Variants in N4BP3 observed in about 807,000 individuals in gnomAD.
N4BP3 encodes the protein NEDD4 binding protein 3.
Under a neutral mutation model 43.8 loss-of-function variants are expected in N4BP3, and 33 were observed. The observed-to-expected ratio is 0.75, with a 90% CI of 0.57 to 1.01. N4BP3 has a LOEUF of 1.01. N4BP3 is among the 50% of genes least tolerant of loss of function. The pLI, the probability that N4BP3 is intolerant of heterozygous loss-of-function variation, is 0.00. For missense variants in N4BP3, 756 were observed against 744.2 expected (o/e 1.02, Z -0.18); for synonymous variants, 326 against 321.9 (o/e 1.01, Z -0.14).
rs371807973 is a variant in N4BP3 at position 178,120,399 on chromosome 5, C to G, written c.552C>G (p.Pro184=). 4.3e-6 allele frequency: 7 copies of G among 1,612,860 alleles called. No homozygotes were observed. Among genetic ancestry groups the G allele is most frequent in the Admixed American group, 1.7e-5 (1 of 60,020 alleles). The change falls in exon 3 of 5, where the codon CCC becomes CCG. Residue 184 remains proline, a synonymous_variant. Coordinates refer to ENST00000274605, the MANE Select transcript of N4BP3 (RefSeq NM_015111.2). ...ALSLDEGGPE[P]EPSLSDSSSG... is the part of the protein sequence containing the mutation. ...GCCTAGATGAGGGCGGCCCTGAGCCCGAGCCCAGCCTGTCCGACTCCTCCA... is the reference window on the plus strand; with the variant it reads ...GCCTAGATGAGGGCGGCCCTGAGCCGGAGCCCAGCCTGTCCGACTCCTCCA...
chr5:178,126,647 A>G (rs1315591330), downstream of N4BP3, among the ~76,000 whole-genome samples: 1 of 152,164 alleles, frequency 6.6e-6, no homozygotes, highest in Non-Finnish European at 1.5e-5. Flanking sequence ...CCTGAAGCGC[A>G]GGGAGGGGCC....
chr5:178,121,476 G>T lies in N4BP3; in HGVS notation c.1110G>T (p.Val370=). 6.2e-7 allele frequency: 1 copy of T among 1,613,894 alleles called. No individual in the cohort carries two copies. Among genetic ancestry groups the T allele is most frequent in the Non-Finnish European group, 8.5e-7 (1 of 1,179,986 alleles). Residue 370 remains valine (V), a splice_region_variant and synonymous_variant, in exon 5 of 5, where the codon GTG becomes GTT. Coordinates refer to ENST00000274605, the MANE Select transcript of N4BP3 (RefSeq NM_015111.2). Reference sequence around the variant, plus strand: ...CTTGCGTCCTCCCCATCCCCCAGGTGTGCCAGAAGACAGCAGAGATTAGCC... The same window carrying T: ...CTTGCGTCCTCCCCATCCCCCAGGTTTGCCAGAAGACAGCAGAGATTAGCC... The part of the protein sequence containing the change: ...ARPEEEARWE[V]CQKTAEISLL...
At chr5:178,114,651 C>G (rs1364666385) in intron 1 of N4BP3, among the ~76,000 whole-genome samples, 1 of 152,228 alleles carries the variant, frequency 6.6e-6, no homozygotes, top group African/African-American at 2.4e-5. Flanking sequence ...GGTTATCAGC[C>G]TCCTCCCAGG....
Position 178,118,867 on chromosome 5 carries a change from CTTTTTTTTT to C in N4BP3, c.-30-679_-30-671del, listed in dbSNP as rs1163342087. On this transcript the variant is annotated intron_variant, in intron 1 of 4. Coordinates refer to ENST00000274605, the MANE Select transcript of N4BP3 (RefSeq NM_015111.2). This position sits in a 1 kb window ranked among gnomAD's most constrained non-coding sequence, Gnocchi z 5.4. ...GTCAGGTTCAGCCAGGCTGAGTTTTCTTTTTTTTTTTTTTTTGAGATGGAGTCTCCCTCT... is the reference window on the plus strand; with the variant it reads ...GTCAGGTTCAGCCAGGCTGAGTTTTCTTTTTTTGAGATGGAGTCTCCCTCT... Among the ~76,000 whole-genome samples, 1 of 137,614 alleles carries C rather than the reference CTTTTTTTTT, an allele frequency of 7.3e-6. No individual in the cohort carries two copies. The highest frequency in any genetic ancestry group is 2.3e-4 in the South Asian group (1 of 4,258). 90.3% of individuals were successfully genotyped at this position (137,614 alleles called of 152,430 possible).
chr5:178,116,250 G>T (rs925013763), intron 1 of N4BP3, among the ~76,000 whole-genome samples: 27 of 152,152 alleles, frequency 1.8e-4, no homozygotes, highest in African/African-American at 6.5e-4. Context: ...CAGGAAGGAA[G>T]GAATGTATGT....
chr5:178,119,052 G>C (rs1694678878), intron 1 of N4BP3, among the ~76,000 whole-genome samples: 2 of 152,130 alleles, frequency 1.3e-5, no homozygotes, highest in African/African-American at 4.8e-5. Context: ...TTTTAGTAGA[G>C]ATGGGGTTTC....
In N4BP3 at chr5:178,120,619, A is replaced by G. The variant is rs551476661; in HGVS notation, c.772A>G (p.Met258Val). ...GTTCTCCTGCTCCTCTGCCGAGGAA[A>G]TGGGAGCCGTGCTGCCCGAGACCTG... ...YEFSCSSAEE[M>V]GAVLPETCEE... The change falls in exon 3 of 5, where the codon ATG becomes GTG. Residue 258 changes from methionine to valine, a missense_variant. Coordinates refer to ENST00000274605, the MANE Select transcript of N4BP3 (RefSeq NM_015111.2). The G allele has an allele frequency of 6.2e-6, 10 of 1,610,646 alleles. No homozygotes were observed. Among genetic ancestry groups the G allele is most frequent in the Non-Finnish European group, 8.5e-6 (10 of 1,179,944 alleles).
At chr5:178,120,110 C>T in intron 2 of N4BP3, 68 bp from the exon 3 acceptor site, 6 of 1,515,444 alleles carry the variant, frequency 4.0e-6, no homozygotes, top group Non-Finnish European at 5.3e-6. Flanking sequence ...GCTGTGAGAG[C>T]ATCAGGAGGT....
intron 1 of N4BP3, among the ~76,000 whole-genome samples, chr5:178,114,833 G>T (rs1452676762): frequency 6.6e-6 from 1 of 152,258 alleles, no homozygotes; most frequent in Non-Finnish European, 1.5e-5. Context: ...GGGGCAGCAG[G>T]AGGGATTCCA....
chr5:178,123,596 TG>T lies in N4BP3; in HGVS notation c.*1602del, dbSNP rs918386387. On this transcript the variant is annotated 3_prime_UTR_variant, in exon 5 of 5. Transcript: ENST00000274605. ...CAGGGGACGGGTGTGAGGCATGAGCTGGGGGGGCCCCCTTTTTCAGGGCAGA... is the reference window on the plus strand; with the variant it reads ...CAGGGGACGGGTGTGAGGCATGAGCTGGGGGGCCCCCTTTTTCAGGGCAGA... 19 of 153,056 alleles carry T rather than the reference TG, an allele frequency of 1.2e-4. No homozygotes were observed. Among genetic ancestry groups the T allele is most frequent in the African/African-American group, 2.4e-4 (10 of 41,456 alleles). 9.5% of individuals were successfully genotyped at this position (153,056 alleles called of 1,614,324 possible). A position where few individuals can be genotyped will look rare whatever the true frequency, so the allele number is the denominator to read the frequency against.
chr5:178,114,007 G>C (rs1213766023), intron 1 of N4BP3, among the ~76,000 whole-genome samples: 1 of 152,196 alleles, frequency 6.6e-6, no homozygotes, highest in African/African-American at 2.4e-5. Context: ...CTCCGCTGGA[G>C]GGGCAGGCGG....
At position 178,121,591 on chromosome 5, in the gene N4BP3, C is replaced by G. The variant is rs769334283; in HGVS notation, c.1225C>G (p.Arg409Gly). Residue 409 changes from arginine (R) to glycine (G), a missense_variant, in exon 5 of 5, where the codon CGG becomes GGG. By Grantham distance (125) the Arg-to-Gly change is moderately radical. Transcript: ENST00000274605. Reference protein sequence around the residue: ...FSLKTQLRGSRAQAQAQDAEL... With the variant: ...FSLKTQLRGSGAQAQAQDAEL... Reference sequence around the variant, plus strand: ...TCTGAAGACACAACTTCGGGGCAGCCGGGCACAAGCCCAGGCTCAGGACGC... The same window carrying G: ...TCTGAAGACACAACTTCGGGGCAGCGGGGCACAAGCCCAGGCTCAGGACGC... 1.9e-6 allele frequency: 3 copies of G among 1,613,340 alleles called. No homozygotes were observed. The highest frequency in any genetic ancestry group is 2.2e-5 in the South Asian group (2 of 91,086).
intron 1 of N4BP3, among the ~76,000 whole-genome samples, chr5:178,116,458 T>TC (rs1757776071): frequency 6.6e-6 from 1 of 152,114 alleles, no homozygotes; most frequent in African/African-American, 2.4e-5. Flanking sequence ...GAAGGGGCTG[T>TC]CTGCTGCTCC....
chr5:178,116,671 T>G (rs1289022002), intron 1 of N4BP3, among the ~76,000 whole-genome samples: 1 of 152,128 alleles, frequency 6.6e-6, no homozygotes, highest in African/African-American at 2.4e-5. Context: ...GTGGCGTGTG[T>G]GGTTGTATGC....
chr5:178,116,161 C>T (rs912730835), intron 1 of N4BP3, among the ~76,000 whole-genome samples: 1 of 152,220 alleles, frequency 6.6e-6, no homozygotes, highest in Admixed American at 6.5e-5. Context: ...CCTCCTCCCC[C>T]ACCAAATCCC....
chr5:178,120,279 C>T lies in N4BP3; in HGVS notation c.432C>T (p.Arg144=). The T allele has an allele frequency of 6.2e-7, 1 of 1,610,422 alleles. No homozygotes were observed. Among genetic ancestry groups the T allele is most frequent in the Middle Eastern group, 1.7e-4 (1 of 6,028 alleles). The change falls in exon 3 of 5, where the codon CGC becomes CGT. Residue 144 remains arginine (R), a synonymous_variant. Coordinates refer to ENST00000274605, the MANE Select transcript of N4BP3 (RefSeq NM_015111.2). ...CCCACAAAGGCCAGAAGCTGTGGCG[C>T]AGCAATGGCAGCCTGCACACGCTGG... ...LASHKGQKLW[R]SNGSLHTLAC...
At position 178,119,669 on chromosome 5, in the gene N4BP3, T is replaced by C. The variant is rs543249506; in HGVS notation, c.86T>C (p.Leu29Pro). 4 of 1,608,422 alleles carry C rather than the reference T, an allele frequency of 2.5e-6. No homozygotes were observed. The highest frequency in any genetic ancestry group is 3.4e-6 in the Non-Finnish European group (4 of 1,177,520). Residue 29 changes from leucine to proline, a missense_variant, in exon 2 of 5, where the codon CTG (leucine) becomes CCG (proline). Coordinates refer to ENST00000274605, the MANE Select transcript of N4BP3 (RefSeq NM_015111.2). Reference sequence around the variant, plus strand: ...CGGCAGGACTTCTCCCCTGAAGAGCTGCGGGCGGCACTTGCCGGGTCTCGG... The same window carrying C: ...CGGCAGGACTTCTCCCCTGAAGAGCCGCGGGCGGCACTTGCCGGGTCTCGG... ...LERQDFSPEE[L>P]RAALAGSRGS... is the part of the protein sequence containing the mutation.
In N4BP3 at chr5:178,125,800, C is replaced by G. The variant is rs987239503; in HGVS notation, c.*3799C>G. On this transcript the variant is annotated 3_prime_UTR_variant, in exon 5 of 5. Coordinates refer to ENST00000274605, the MANE Select transcript of N4BP3 (RefSeq NM_015111.2). ...TGAAGATACAGTTCTGTCACCCCCC[C>G]AGCATTCTCCTGTGGCCCTCTAGTC... 6.6e-6 allele frequency: 1 copy of G among 152,260 alleles called. No homozygotes were observed. Among genetic ancestry groups the G allele is most frequent in the African/African-American group, 2.4e-5 (1 of 41,524 alleles). The allele number at this position is 152,260 out of a possible 1,614,324, so 9.4% of individuals were successfully genotyped here.
In N4BP3 at chr5:178,121,827, G is replaced by A. The variant is rs1039756905; in HGVS notation, c.1461G>A (p.Glu487=). Residue 487 remains glutamate, a synonymous_variant, in exon 5 of 5, where the codon GAG becomes GAA. Coordinates refer to ENST00000274605, the MANE Select transcript of N4BP3 (RefSeq NM_015111.2). ...LRGQEQALRF[E]QERRTWQEEK... Reference sequence around the variant, plus strand: ...GCCAGGAGCAGGCGCTGCGCTTTGAGCAGGAGCGGCGGACTTGGCAGGAGG... The same window carrying A: ...GCCAGGAGCAGGCGCTGCGCTTTGAACAGGAGCGGCGGACTTGGCAGGAGG... 3 of 1,608,980 alleles carry A rather than the reference G, an allele frequency of 1.9e-6. No homozygotes were observed. The African/African-American group carries it at 4.0e-5, about 21-fold the overall frequency.
Sources: allele counts gnomAD v4.1 joint callset (sites outside exome capture counted in the v4.1 genomes callset), GRCh38; gene constraint gnomAD v4.1.1; non-coding constraint Gnocchi (gnomAD v3.1); transcripts MANE v1.5; gene names NCBI Gene and HGNC (gene_info 2026-07-23, HGNC 2026-07-21).